Variants in SMG7 observed in about 807,000 individuals in gnomAD.
SMG7 encodes the protein nonsense-mediated mRNA decay factor SMG7.
In SMG7, 34 loss-of-function variants were observed where a neutral mutation model predicts 148.2. That is an observed-to-expected ratio of 0.23 (90% CI 0.17 to 0.31). The LOEUF is 0.31. Among genes scored for constraint, SMG7 ranks in the 10% least tolerant of loss-of-function variants. SMG7 has a pLI of 1.00. For missense variants in SMG7, 1,114 were observed against 1,408.4 expected, an observed-to-expected ratio of 0.79 and a Z score of 3.35; for synonymous variants, 492 against 515.1, an observed-to-expected ratio of 0.96 and a Z score of 0.61.
At chr1:183,476,447 G>T (rs560438985) in intron 1 of SMG7, among the ~76,000 whole-genome samples, 22 of 152,286 alleles carry the variant, frequency 1.4e-4, no homozygotes, top group Middle Eastern at 3.4e-3. Context: ...CATTGAAATG[G>T]TGGGGTGGTG....
chr1:183,495,624 A>G (rs1658295488), intron 1 of SMG7, among the ~76,000 whole-genome samples: 1 of 152,174 alleles, frequency 6.6e-6, no homozygotes, highest in Non-Finnish European at 1.5e-5. Context: ...TAATCCCAGC[A>G]CTTTGGGAGG....
Position 183,545,820 on chromosome 1 carries a change from T to C in SMG7, c.2371-146T>C, listed in dbSNP as rs573827609. Reference sequence around the variant, plus strand: ...TTTCCAAAAAGCTCTGAGTATTGAATAGCCCAAAAGGTAAAGGAAACTGCT... The same window carrying C: ...TTTCCAAAAAGCTCTGAGTATTGAACAGCCCAAAAGGTAAAGGAAACTGCT... On this transcript the variant is annotated intron_variant, in intron 16 of 22. Transcript: ENST00000688051. The C allele has an allele frequency of 7.1e-6, 6 of 845,816 alleles. No homozygotes were observed. The South Asian group carries it at 1.2e-4, about 18-fold the overall frequency. 52.4% of individuals were successfully genotyped at this position (845,816 alleles called of 1,614,324 possible). A position where few individuals can be genotyped will look rare whatever the true frequency, so the allele number is the denominator to read the frequency against.
At chr1:183,550,048 GT>G (rs1421368937) in intron 20 of SMG7, 125 bp downstream of exon 20, 1 of 680,026 alleles carries the variant, frequency 1.5e-6, no homozygotes, top group African/African-American at 1.9e-5. Context: ...TTGTTTGTTT[GT>G]TTTTGTAACT....
Position 183,552,387 on chromosome 1 carries a change from C to T in SMG7, c.*456C>T, listed in dbSNP as rs1671212439. 6 of 987,440 alleles carry T rather than the reference C, an allele frequency of 6.1e-6. No homozygotes were observed. In the South Asian group the frequency reaches 1.9e-4, roughly 31 times the overall value. The allele number at this position is 987,440 out of a possible 1,614,324, so 61.2% of individuals were successfully genotyped here. A position where few individuals can be genotyped will look rare whatever the true frequency, so the allele number is the denominator to read the frequency against. ...GAATGTAGTTGAAATTATTCTTAAA[C>T]ATCTTTTATTATTATTACTCTCAGT... On this transcript the variant is annotated 3_prime_UTR_variant, in exon 23 of 23. Coordinates refer to ENST00000688051, the MANE Select transcript of SMG7 (RefSeq NM_001375584.1).
intron 1 of SMG7, among the ~76,000 whole-genome samples, chr1:183,493,713 C>A (rs1190945645): frequency 6.6e-6 from 1 of 152,146 alleles, no homozygotes; most frequent in East Asian, 1.9e-4. Context: ...TCCCAAGTAC[C>A]TGGGACTATA....
chr1:183,530,585 A>C (rs893579568), intron 8 of SMG7, among the ~76,000 whole-genome samples: 1 of 152,178 alleles, frequency 6.6e-6, no homozygotes, highest in African/African-American at 2.4e-5. Flanking sequence ...AATAGTTTTC[A>C]TAGTAAGTAT....
chr1:183,529,850 A>G (rs1251746033), intron 8 of SMG7, among the ~76,000 whole-genome samples: 1 of 152,114 alleles, frequency 6.6e-6, no homozygotes, highest in Non-Finnish European at 1.5e-5. Context: ...ATTCTTAGAT[A>G]TGATTATGTT....
intron 1 of SMG7, among the ~76,000 whole-genome samples, chr1:183,505,868 G>A (rs1406303227): frequency 2.0e-5 from 3 of 152,146 alleles, no homozygotes; most frequent in African/African-American, 4.8e-5. Context: ...CCGTTCATCT[G>A]TATTACCACT....
At chr1:183,517,495 G>A in intron 3 of SMG7, 193 bp from the exon 4 acceptor site, 3 of 620,122 alleles carry the variant, frequency 4.8e-6, no homozygotes, top group Non-Finnish European at 8.7e-6. Context: ...ACTAAGGTCA[G>A]TTGGATTCTA....
chr1:183,472,539 C>T lies in SMG7; in HGVS notation c.-82C>T. Reference sequence around the variant, plus strand: ...AGGAAGATGGCGGCGGCCGCCAGCACCCGCGGTGCCGCGGGGCCGCTCCGA... The same window carrying T: ...AGGAAGATGGCGGCGGCCGCCAGCATCCGCGGTGCCGCGGGGCCGCTCCGA... On this transcript the variant is annotated 5_prime_UTR_variant, in exon 1 of 23. Transcript: ENST00000688051. 3.1e-6 allele frequency: 4 copies of T among 1,311,040 alleles called. No homozygotes were observed. The highest frequency in any genetic ancestry group is 4.0e-6 in the Non-Finnish European group (4 of 1,011,350). 81.2% of individuals were successfully genotyped at this position (1,311,040 alleles called of 1,614,324 possible). A position where few individuals can be genotyped will look rare whatever the true frequency, so the allele number is the denominator to read the frequency against.
intron 1 of SMG7, among the ~76,000 whole-genome samples, chr1:183,487,324 ACT>A (rs1655709690): frequency 6.6e-6 from 1 of 151,566 alleles, no homozygotes; most frequent in African/African-American, 2.4e-5. Flanking sequence ...TTCCCCCACC[ACT>A]CTTTCTCTGA....
chr1:183,531,034 A>C (rs960620452), intron 8 of SMG7, among the ~76,000 whole-genome samples: 1 of 152,102 alleles, frequency 6.6e-6, no homozygotes, highest in African/African-American at 2.4e-5. Flanking sequence ...ATATACTTTG[A>C]AGTATCATTC....
chr1:183,533,862 T>C (rs779345342), intron 10 of SMG7, 30 bp downstream of exon 10: 4 of 1,576,210 alleles, frequency 2.5e-6, no homozygotes, highest in African/African-American at 1.4e-5. Flanking sequence ...CATGTTAACT[T>C]GTGTGCTTTG....
chr1:183,512,266 T>C (rs1662312924), intron 1 of SMG7, among the ~76,000 whole-genome samples: 1 of 152,162 alleles, frequency 6.6e-6, no homozygotes, highest in Non-Finnish European at 1.5e-5. Flanking sequence ...GAATTATTGT[T>C]CTTAAATATT....
chr1:183,549,579 G>A (rs1430131275), intron 19 of SMG7, among the ~76,000 whole-genome samples, 185 bp from the exon 20 acceptor site: 1 of 152,132 alleles, frequency 6.6e-6, no homozygotes, highest in African/African-American at 2.4e-5. Flanking sequence ...AAATTTAAGG[G>A]TGAGAGAAAG....
In SMG7 at chr1:183,472,576, G is replaced by T; in HGVS notation, c.-45G>T. On this transcript the variant is annotated 5_prime_UTR_variant, in exon 1 of 23. Coordinates refer to ENST00000688051, the MANE Select transcript of SMG7 (RefSeq NM_001375584.1). ...CGGGGCCGCTCCGAGGAGCCTGAGA[G>T]ACCCACGGAGGCTTCGCGGGAAGAC... The T allele has an allele frequency of 7.1e-7, 1 of 1,403,854 alleles. No homozygotes were observed. Among genetic ancestry groups the T allele is most frequent in the African/African-American group, 1.5e-5 (1 of 67,436 alleles). 87.0% of individuals were successfully genotyped at this position (1,403,854 alleles called of 1,614,324 possible).
intron 8 of SMG7, among the ~76,000 whole-genome samples, chr1:183,530,753 C>T (rs974726514): frequency 5.3e-5 from 8 of 152,086 alleles, no homozygotes; most frequent in African/African-American, 1.9e-4. Flanking sequence ...TGACAGCCAT[C>T]TTTCTTGGAT....
Position 183,552,449 on chromosome 1 carries a change from G to A in SMG7, c.*518G>A. 1 of 992,630 alleles carries A rather than the reference G, an allele frequency of 1.0e-6. No homozygotes were observed. The highest frequency in any genetic ancestry group is 4.6e-5 in the South Asian group (1 of 21,856). 61.5% of individuals were successfully genotyped at this position (992,630 alleles called of 1,614,324 possible). ...ACACTGAATTCTTCCATACACAGGTGTGCTTCTAGTCAGTGTGTAGCAAGG... is the reference window on the plus strand; with the variant it reads ...ACACTGAATTCTTCCATACACAGGTATGCTTCTAGTCAGTGTGTAGCAAGG... On this transcript the variant is annotated 3_prime_UTR_variant, in exon 23 of 23. Coordinates refer to ENST00000688051, the MANE Select transcript of SMG7 (RefSeq NM_001375584.1).
chr1:183,519,976 T>C (rs1664406489), intron 4 of SMG7, among the ~76,000 whole-genome samples: 1 of 152,166 alleles, frequency 6.6e-6, no homozygotes, highest in African/African-American at 2.4e-5. Flanking sequence ...GTTTCTTCTG[T>C]TGTCCTTTCA....
Sources: allele counts gnomAD v4.1 joint callset (sites outside exome capture counted in the v4.1 genomes callset), GRCh38; gene constraint gnomAD v4.1.1; transcripts MANE v1.5; gene names NCBI Gene and HGNC (gene_info 2026-07-23, HGNC 2026-07-21).